Variants in CAMK2D observed in about 807,000 individuals in gnomAD.
CAMK2D encodes the protein calcium/calmodulin dependent protein kinase II delta.
Under a neutral mutation model 84.0 loss-of-function variants are expected in CAMK2D, and 37 were observed. That is an observed-to-expected ratio of 0.44 (90% CI 0.34 to 0.58). The LOEUF (loss-of-function observed/expected upper bound fraction) is 0.58. Ranked by LOEUF, CAMK2D falls within the 20% of genes least tolerant of loss-of-function variation. CAMK2D has a pLI of 0.02. For synonymous variants in CAMK2D, 202 were observed against 212.5 expected, an observed-to-expected ratio of 0.95 and a Z score of 0.43; for missense variants, 448 against 652.5, an observed-to-expected ratio of 0.69 and a Z score of 3.41.
chr4:113,690,022 T>A (rs1274912299), intron 2 of CAMK2D, among the ~76,000 whole-genome samples: 1 of 152,024 alleles, frequency 6.6e-6, no homozygotes, highest in African/African-American at 2.4e-5. Flanking sequence ...ATACCACCAA[T>A]ACCATGGTGG....
intron 3 of CAMK2D, among the ~76,000 whole-genome samples, chr4:113,638,236 A>G (rs1451013720): frequency 6.6e-6 from 1 of 152,162 alleles, no homozygotes; most frequent in Non-Finnish European, 1.5e-5. Context: ...GAACAGGAAC[A>G]CAGAAACAGC....
At chr4:113,728,168 C>G (rs975526341) in intron 2 of CAMK2D, among the ~76,000 whole-genome samples, 1 of 152,012 alleles carries the variant, frequency 6.6e-6, no homozygotes, top group African/African-American at 2.4e-5. Flanking sequence ...AAGTATTTAC[C>G]CAATAGAAAT....
At chr4:113,472,865 TATTTA>T (rs1001162428) in intron 16 of CAMK2D, among the ~76,000 whole-genome samples, 2 of 152,238 alleles carry the variant, frequency 1.3e-5, no homozygotes, top group African/African-American at 4.8e-5. Context: ...TGTCTAGTTC[TATTTA>T]ATTTAAATCC....
At chr4:113,530,711 A>C (rs905274045) in intron 8 of CAMK2D, among the ~76,000 whole-genome samples, 3 of 152,142 alleles carry the variant, frequency 2.0e-5, no homozygotes, top group Non-Finnish European at 4.4e-5. Context: ...CTCTCTATAA[A>C]ACTAAAAGCA....
rs190039890 is a variant in CAMK2D, at chr4:113,675,628, G to C, written c.161-13856C>G. On this transcript the variant is annotated intron_variant, in intron 2 of 20. Coordinates refer to ENST00000511664, the MANE Select transcript of CAMK2D (RefSeq NM_001321571.2). Reference sequence around the variant, plus strand: ...GAATCAGAGGAAAAGTAAGTATTCTGATTAAAAAGTTCATCTCTGAAAGAA... The same window carrying C: ...GAATCAGAGGAAAAGTAAGTATTCTCATTAAAAAGTTCATCTCTGAAAGAA... Among the ~76,000 whole-genome samples the C allele has an allele frequency of 9.9e-5, 15 of 151,748 alleles. No homozygotes were observed. In the East Asian group the frequency reaches 2.9e-3, roughly 29 times the overall value.
At chr4:113,590,327 A>G (rs770836345) in intron 4 of CAMK2D, among the ~76,000 whole-genome samples, 13 of 152,176 alleles carry the variant, frequency 8.5e-5, no homozygotes, top group Non-Finnish European at 1.3e-4. Flanking sequence ...TCTTGCTAAG[A>G]GAAACATCAG....
intron 14 of CAMK2D, among the ~76,000 whole-genome samples, chr4:113,504,148 A>G (rs1446718036): frequency 1.3e-5 from 2 of 152,242 alleles, no homozygotes; most frequent in African/African-American, 2.4e-5. Context: ...AAATAACAGT[A>G]TGAGAAGAGC....
At chr4:113,476,340 C>G (rs762525541) in intron 16 of CAMK2D, among the ~76,000 whole-genome samples, 12 of 152,074 alleles carry the variant, frequency 7.9e-5, no homozygotes, top group Non-Finnish European at 1.6e-4. Flanking sequence ...CCCATTTTTA[C>G]CACACACACA....
intron 2 of CAMK2D, among the ~76,000 whole-genome samples, chr4:113,716,118 T>G (rs1367905867): frequency 6.6e-6 from 1 of 152,150 alleles, no homozygotes; most frequent in Non-Finnish European, 1.5e-5. Context: ...AGAACAAATT[T>G]TCTAAGATTC....
chr4:113,651,331 C>G (rs2099171269), intron 3 of CAMK2D, among the ~76,000 whole-genome samples: 1 of 152,088 alleles, frequency 6.6e-6, no homozygotes, highest in Non-Finnish European at 1.5e-5. Flanking sequence ...ATTCAGAGAG[C>G]AAACACTTCT....
At chr4:113,597,118 G>A (rs966424225) in intron 4 of CAMK2D, among the ~76,000 whole-genome samples, 7 of 151,950 alleles carry the variant, frequency 4.6e-5, no homozygotes, top group African/African-American at 9.7e-5. Context: ...GCGCCTGGCC[G>A]GGTCCTAAAA....
At chr4:113,603,363 TC>T (rs1474006664) in intron 4 of CAMK2D, among the ~76,000 whole-genome samples, 4 of 24,172 alleles carry the variant, frequency 1.7e-4, no homozygotes, top group African/African-American at 3.2e-4. Flanking sequence ...CCCTCCCCCC[TC>T]CCCCCTCCCC....
At chr4:113,508,076 G>A (rs1439129866) in intron 13 of CAMK2D, among the ~76,000 whole-genome samples, 2 of 152,290 alleles carry the variant, frequency 1.3e-5, no homozygotes, top group East Asian at 1.9e-4. Context: ...AAAAAACAAT[G>A]TAATATGTAA....
At chr4:113,623,377 T>C (rs545736411) in intron 3 of CAMK2D, among the ~76,000 whole-genome samples, 10 of 147,308 alleles carry the variant, frequency 6.8e-5, no homozygotes, top group East Asian at 6.2e-4. Context: ...TATCATGATG[T>C]GTATATACAC....
At chr4:113,650,944 C>T (rs1226341070) in intron 3 of CAMK2D, among the ~76,000 whole-genome samples, 8 of 152,138 alleles carry the variant, frequency 5.3e-5, no homozygotes, top group Non-Finnish European at 1.2e-4. Flanking sequence ...TGGTGAACAA[C>T]TTGGTATGCT....
At chr4:113,760,407 A>G (rs1562273705) in intron 1 of CAMK2D, among the ~76,000 whole-genome samples, 1 of 152,196 alleles carries the variant, frequency 6.6e-6, no homozygotes, top group Non-Finnish European at 1.5e-5. Context: ...GGTGCAAAGA[A>G]CAACACTGGA....
At chr4:113,551,195 A>C (rs1461453245) in intron 5 of CAMK2D, among the ~76,000 whole-genome samples, 1 of 152,176 alleles carries the variant, frequency 6.6e-6, no homozygotes, top group African/African-American at 2.4e-5. Flanking sequence ...AATTTACACC[A>C]TGCAATCCAG....
At chr4:113,758,225 A>T (rs1356566318) in intron 2 of CAMK2D, among the ~76,000 whole-genome samples, 2 of 152,184 alleles carry the variant, frequency 1.3e-5, no homozygotes, top group Admixed American at 1.3e-4. Flanking sequence ...TACTTTATAG[A>T]TCTTTCTCAG....
At chr4:113,582,048 C>T (rs552147350) in intron 4 of CAMK2D, among the ~76,000 whole-genome samples, 2 of 152,238 alleles carry the variant, frequency 1.3e-5, no homozygotes, top group African/African-American at 2.4e-5. Flanking sequence ...ATTTTTGCAG[C>T]TCCTCATAAC....
Sources: gnomAD v4.1 joint callset for allele counts (sites outside exome capture counted in the v4.1 genomes callset) on GRCh38, gnomAD v4.1.1 for gene constraint, MANE v1.5 for transcripts, NCBI Gene and HGNC (gene_info 2026-07-23, HGNC 2026-07-21) for gene names.